SNRK: variants seen among roughly 807,000 people sequenced by gnomAD.
SNRK encodes SNF-related serine/threonine-protein kinase.
Under a neutral mutation model 48.2 loss-of-function variants are expected in SNRK, and 3 were observed. The observed-to-expected ratio is 0.06, with a 90% CI of 0.03 to 0.16. SNRK has a LOEUF of 0.16. SNRK is among the 10% of genes least tolerant of loss of function. The pLI is 1.00. For missense variants in SNRK, 627 were observed against 976.0 expected, an observed-to-expected ratio of 0.64 and a Z score of 4.76; for synonymous variants, 376 against 366.1, an observed-to-expected ratio of 1.03 and a Z score of -0.31.
At chr3:43,293,752 T>TA (rs199835184) in intron 1 of SNRK, among the ~76,000 whole-genome samples, 4,322 of 146,336 alleles carry the variant, frequency 0.03, 200 homozygotes, top group African/African-American at 0.1. Context: ...CCATCTCTAC[T>TA]AAAAAAAAAA....
rs1449072208 is a variant in SNRK, at chr3:43,349,669, T to C, written c.*1112T>C. 1 of 152,210 alleles carries C rather than the reference T, an allele frequency of 6.6e-6. No homozygotes were observed. The highest frequency in any genetic ancestry group is 1.5e-5 in the Non-Finnish European group (1 of 68,032). 9.4% of individuals were successfully genotyped at this position (152,210 alleles called of 1,614,324 possible). A position where few individuals can be genotyped will look rare whatever the true frequency, so the allele number is the denominator to read the frequency against. On this transcript the variant is annotated 3_prime_UTR_variant, in exon 7 of 7. Transcript: ENST00000296088. Reference sequence around the variant, plus strand: ...TGCTTCGTAACTTTTTTTTCTGGAATTGTTTTTCACTTTGCCTTTTTCTGC... The same window carrying C: ...TGCTTCGTAACTTTTTTTTCTGGAACTGTTTTTCACTTTGCCTTTTTCTGC...
At chr3:43,295,393 C>A (rs1051487102) in intron 1 of SNRK, among the ~76,000 whole-genome samples, 3 of 152,204 alleles carry the variant, frequency 2.0e-5, no homozygotes, top group African/African-American at 7.2e-5. Flanking sequence ...CTCAGCGGCC[C>A]CTAGCCCATC....
At chr3:43,321,490 G>A (rs1436903406) in intron 3 of SNRK, among the ~76,000 whole-genome samples, 1 of 152,112 alleles carries the variant, frequency 6.6e-6, no homozygotes, top group African/African-American at 2.4e-5. Context: ...CTAAGTGCAT[G>A]TACAAAGCTC....
chr3:43,349,614 CACAT>C lies in SNRK; in HGVS notation c.*1061_*1064del, dbSNP rs1189147294. On this transcript the variant is annotated 3_prime_UTR_variant, in exon 7 of 7. Coordinates refer to ENST00000296088, the MANE Select transcript of SNRK (RefSeq NM_017719.5). The stretch of plus-strand genomic sequence containing the variant: ...AATATACATAAAAGGGTAAAATTCA[CACAT>C]ACAGCAAACAAAAATGCACAAAGCC... The C allele has an allele frequency of 6.6e-6, 1 of 152,092 alleles. No homozygotes were observed. Among genetic ancestry groups the C allele is most frequent in the African/African-American group, 2.4e-5 (1 of 41,346 alleles). 9.4% of individuals were successfully genotyped at this position (152,092 alleles called of 1,614,324 possible). A position where few individuals can be genotyped will look rare whatever the true frequency, so the allele number is the denominator to read the frequency against.
chr3:43,304,969 G>A (rs1391340474), intron 3 of SNRK, among the ~76,000 whole-genome samples: 2 of 152,036 alleles, frequency 1.3e-5, no homozygotes, highest in Non-Finnish European at 2.9e-5. Context: ...ATCAGACAGT[G>A]AAGCCAGGAA....
chr3:43,333,569 A>C (rs2091164734), intron 4 of SNRK, among the ~76,000 whole-genome samples: 1 of 152,020 alleles, frequency 6.6e-6, no homozygotes, highest in Admixed American at 6.6e-5. Flanking sequence ...TATTTTTATG[A>C]CGTTACTGTT....
chr3:43,329,820 T>C (rs990157053), intron 3 of SNRK, among the ~76,000 whole-genome samples: 6 of 152,172 alleles, frequency 3.9e-5, no homozygotes, highest in African/African-American at 1.4e-4. Flanking sequence ...GGACTTCTTG[T>C]TGTTTGTGAG....
chr3:43,296,430 A>ACATATATATATG (rs1553632598), intron 1 of SNRK, among the ~76,000 whole-genome samples: 1 of 146,074 alleles, frequency 6.8e-6, no homozygotes, highest in African/African-American at 2.5e-5. Context: ...ATATATATAT[A>ACATATATATATG]TATGTATATA....
At position 43,290,505 on chromosome 3, in the gene SNRK, G is replaced by A. The variant is rs902663053; in HGVS notation, c.-169+3830G>A. ...CCCTTTGCTTAGCCTCCTGTGCATT[G>A]AGTTCTTGGATTCTACTTCCAAAAT... is the stretch of plus-strand genomic sequence containing the variant. On this transcript the variant is annotated intron_variant, in intron 1 of 6. Coordinates refer to ENST00000296088, the MANE Select transcript of SNRK (RefSeq NM_017719.5). 1.4e-4 allele frequency among the ~76,000 whole-genome samples: 22 copies of A among 152,294 alleles called. No homozygotes were observed. In the South Asian group the frequency reaches 2.5e-3, roughly 17 times the overall value.
At chr3:43,311,886 A>C (rs1428352810) in intron 3 of SNRK, among the ~76,000 whole-genome samples, 1 of 152,142 alleles carries the variant, frequency 6.6e-6, no homozygotes, top group Non-Finnish European at 1.5e-5. Flanking sequence ...ATGATACTTT[A>C]AAATTTTCTT....
At chr3:43,307,960 A>G (rs886711920) in intron 3 of SNRK, among the ~76,000 whole-genome samples, 2 of 152,216 alleles carry the variant, frequency 1.3e-5, no homozygotes, top group Admixed American at 6.5e-5. Flanking sequence ...TAAAAGTGCC[A>G]CTCCAGTGAA....
In SNRK at chr3:43,291,064, G is replaced by A. The variant is rs181621760; in HGVS notation, c.-169+4389G>A. Among the ~76,000 whole-genome samples the A allele has an allele frequency of 5.4e-3, 817 of 152,246 alleles. 9 individuals are homozygous for A. The highest frequency in any genetic ancestry group is 0.018 in the African/African-American group (754 of 41,526). The stretch of plus-strand genomic sequence containing the variant: ...AGGGCAAGGGGATGGTCAGGAAGTC[G>A]TCCTTTAAGCTGGGCCCTAGAGCAT... On this transcript the variant is annotated intron_variant, in intron 1 of 6. Coordinates refer to ENST00000296088, the MANE Select transcript of SNRK (RefSeq NM_017719.5).
In SNRK at chr3:43,290,654, C is replaced by T. The variant is rs141108211; in HGVS notation, c.-169+3979C>T. On this transcript the variant is annotated intron_variant, in intron 1 of 6. Coordinates refer to ENST00000296088, the MANE Select transcript of SNRK (RefSeq NM_017719.5). The stretch of plus-strand genomic sequence containing the variant: ...TGCTTACCTGTCTTCTAGCTCTATT[C>T]TCGCCCTTTCAGTCTGATCTTCACT... Among the ~76,000 whole-genome samples, 11 of 152,310 alleles carry T rather than the reference C, an allele frequency of 7.2e-5. No individual in the cohort carries two copies. The East Asian group carries it at 1.7e-3, about 24-fold the overall frequency.
At chr3:43,309,161 AGTT>A (rs898826650) in intron 3 of SNRK, among the ~76,000 whole-genome samples, 20 of 151,890 alleles carry the variant, frequency 1.3e-4, no homozygotes, top group African/African-American at 2.7e-4. Context: ...GTTTTTTTTT[AGTT>A]GTTGTTGTTT....
chr3:43,345,807 C>T (rs911627488), intron 6 of SNRK, among the ~76,000 whole-genome samples: 3 of 152,182 alleles, frequency 2.0e-5, no homozygotes, highest in African/African-American at 7.2e-5. Flanking sequence ...CTTAAGGTTT[C>T]TTAAATTCTA....
At chr3:43,341,305 C>T (rs558923653) in intron 5 of SNRK, among the ~76,000 whole-genome samples, 1 of 152,250 alleles carries the variant, frequency 6.6e-6, no homozygotes, top group South Asian at 2.1e-4. Flanking sequence ...TGCCTGCAAC[C>T]ACGCCCGGCT....
In SNRK at chr3:43,343,495, C is replaced by T. The variant is rs145174728; in HGVS notation, c.1079+17C>T. On this transcript the variant is annotated intron_variant, in intron 6 of 6. Coordinates refer to ENST00000296088, the MANE Select transcript of SNRK (RefSeq NM_017719.5). ...CCAGTTTAGGTGAGAAAAAAATCTTCACTGATTTTAGTAAGTTTAACGTTT... is the reference window on the plus strand; with the variant it reads ...CCAGTTTAGGTGAGAAAAAAATCTTTACTGATTTTAGTAAGTTTAACGTTT... 3.0e-5 allele frequency: 48 copies of T among 1,603,402 alleles called. No individual in the cohort carries two copies. In the Middle Eastern group the frequency reaches 5.0e-4, roughly 17 times the overall value.
chr3:43,303,966 A>G lies in SNRK; in HGVS notation c.589+174A>G, dbSNP rs546011876. 3.9e-5 allele frequency among the ~76,000 whole-genome samples: 6 copies of G among 152,326 alleles called. No homozygotes were observed. The highest frequency in any genetic ancestry group is 7.2e-5 in the African/African-American group (3 of 41,574). The stretch of plus-strand genomic sequence containing the variant: ...TAAAGCTGGCATTTCGTTTATTTCA[A>G]CCTTTAGATGGCAAATGTCTAAAGT... On this transcript the variant is annotated intron_variant, in intron 3 of 6. Coordinates refer to ENST00000296088, the MANE Select transcript of SNRK (RefSeq NM_017719.5). This position sits in a 1 kb window ranked among gnomAD's most constrained non-coding sequence, Gnocchi z 6.2.
chr3:43,315,069 C>G (rs2091004747), intron 3 of SNRK: 1 of 152,208 alleles, frequency 6.6e-6, no homozygotes, highest in East Asian at 1.9e-4. Flanking sequence ...GTTGCCTGCA[C>G]TAAGTTGGAC....
Sources: allele counts gnomAD v4.1 joint callset (sites outside exome capture counted in the v4.1 genomes callset), GRCh38; gene constraint gnomAD v4.1.1; non-coding constraint Gnocchi (gnomAD v3.1); transcripts MANE v1.5; gene names NCBI Gene and HGNC (gene_info 2026-07-23, HGNC 2026-07-21).